The following USH2A variants were observed in gnomAD, a reference collection of about 807,000 sequenced individuals.
USH2A encodes the protein Usher syndrome 2A (autosomal recessive, mild).
USH2A carries 443 observed loss-of-function variants against 538.9 expected under a neutral mutation model. The ratio of observed to expected loss-of-function variants is 0.82; its 90% CI spans 0.76 to 0.89. USH2A has a LOEUF of 0.89. USH2A is among the 40% of genes least tolerant of loss of function. The pLI is 0.00. For synonymous variants in USH2A, 2,413 were observed against 2,273.5 expected (o/e 1.06, Z -1.75); for missense variants, 6,633 against 6,324.8 (o/e 1.05, Z -1.65).
intron 11 of USH2A, among the ~76,000 whole-genome samples, chr1:216,251,301 T>C (rs990538466): frequency 6.6e-6 from 1 of 151,742 alleles, no homozygotes; most frequent in East Asian, 1.9e-4. Flanking sequence ...ATAAAACCCA[T>C]AGAAGTTAGT....
At chr1:215,972,252 G>C (rs1571857709) in intron 35 of USH2A, among the ~76,000 whole-genome samples, 1 of 152,174 alleles carries the variant, frequency 6.6e-6, no homozygotes, top group South Asian at 2.1e-4. Flanking sequence ...GGGCTTTGTT[G>C]ACAGCTGCTG....
At chr1:215,965,164 C>T (rs765773295) in intron 37 of USH2A, among the ~76,000 whole-genome samples, 153 bp downstream of exon 37, 23 of 152,010 alleles carry the variant, frequency 1.5e-4, no homozygotes, top group Non-Finnish European at 5.9e-5. Context: ...TGAGAACCGT[C>T]GGGCAGTAGC....
chr1:216,024,025 G>A (rs1668906540), intron 32 of USH2A, among the ~76,000 whole-genome samples: 1 of 152,026 alleles, frequency 6.6e-6, no homozygotes, highest in African/African-American at 2.4e-5. Context: ...GGTGGTACTA[G>A]CCATATCTGA....
intron 33 of USH2A, among the ~76,000 whole-genome samples, chr1:215,999,550 C>T (rs1425116624): frequency 6.6e-6 from 1 of 152,056 alleles, no homozygotes; most frequent in Non-Finnish European, 1.5e-5. Flanking sequence ...AGATTTTATT[C>T]TTAACAGATG....
chr1:216,100,078 G>A (rs2032542216), intron 21 of USH2A, among the ~76,000 whole-genome samples: 1 of 152,168 alleles, frequency 6.6e-6, no homozygotes, highest in Non-Finnish European at 1.5e-5. Flanking sequence ...ATCTAGATAG[G>A]AGGGAACTTT....
At chr1:216,305,746 CTG>C (rs1465527915) in intron 9 of USH2A, among the ~76,000 whole-genome samples, 2 of 152,072 alleles carry the variant, frequency 1.3e-5, no homozygotes, top group Admixed American at 6.6e-5. Flanking sequence ...CGGAAAAAGA[CTG>C]TATTTTTCCT....
intron 21 of USH2A, among the ~76,000 whole-genome samples, chr1:216,168,606 C>T (rs2034216016): frequency 6.6e-6 from 1 of 152,090 alleles, no homozygotes; most frequent in Non-Finnish European, 1.5e-5. Flanking sequence ...GACCTGTCTG[C>T]CTTTGTATGA....
intron 21 of USH2A, among the ~76,000 whole-genome samples, chr1:216,113,866 T>A (rs973745724): frequency 2.6e-5 from 4 of 151,766 alleles, no homozygotes; most frequent in Non-Finnish European, 4.4e-5. Context: ...TGTATTTTTA[T>A]ATTTAATTTT....
intron 21 of USH2A, among the ~76,000 whole-genome samples, chr1:216,146,607 C>T (rs1236376970): frequency 2.0e-5 from 3 of 152,136 alleles, no homozygotes; most frequent in African/African-American, 4.8e-5. Context: ...AACCCCCAAT[C>T]GCTTATTTCC....
chr1:215,703,761 G>T (rs1328557109), intron 61 of USH2A, among the ~76,000 whole-genome samples: 1 of 152,146 alleles, frequency 6.6e-6, no homozygotes, highest in Non-Finnish European at 1.5e-5. Context: ...CATGGGGGTG[G>T]GATCCACTGA....
intron 41 of USH2A, among the ~76,000 whole-genome samples, chr1:215,884,717 G>C (rs1665003437): frequency 6.6e-6 from 1 of 152,182 alleles, no homozygotes; most frequent in Non-Finnish European, 1.5e-5. Flanking sequence ...AAGTCAATGA[G>C]GATGATGATT....
chr1:215,884,825 T>C (rs1413862515), intron 41 of USH2A, among the ~76,000 whole-genome samples: 1 of 152,154 alleles, frequency 6.6e-6, no homozygotes, highest in Non-Finnish European at 1.5e-5. Flanking sequence ...ATGTTTGTGG[T>C]CTGGGTGACA....
chr1:215,640,844 C>CAAA lies in USH2A; in HGVS notation c.14792-113_14792-111dup, dbSNP rs56212994. On this transcript the variant is annotated intron_variant, in intron 67 of 71. Transcript: ENST00000307340. ...CAAAATCAAACCGAACCAATCCAAACAAAAAAAAAAAAAAAAAAGAAAACC... is the reference window on the plus strand; with the variant it reads ...CAAAATCAAACCGAACCAATCCAAACAAAAAAAAAAAAAAAAAAAAAGAAAACC... 357 of 496,610 alleles carry CAAA rather than the reference C, an allele frequency of 7.2e-4. 2 individuals are homozygous for CAAA. The highest frequency in any genetic ancestry group is 4.4e-3 in the African/African-American group (166 of 38,120). 30.8% of individuals were successfully genotyped at this position (496,610 alleles called of 1,614,324 possible).
chr1:216,167,961 T>A (rs1259090786), intron 21 of USH2A, among the ~76,000 whole-genome samples: 3 of 152,130 alleles, frequency 2.0e-5, no homozygotes, highest in Non-Finnish European at 4.4e-5. Flanking sequence ...GACAATGATG[T>A]TCCCAGATTC....
chr1:216,343,635 A>G (rs1193571275), intron 4 of USH2A, among the ~76,000 whole-genome samples: 7 of 145,730 alleles, frequency 4.8e-5, no homozygotes, highest in African/African-American at 1.7e-4. Flanking sequence ...GTGTCCATTC[A>G]ACCAAAATAT....
At chr1:216,138,918 ATG>A (rs534404810) in intron 21 of USH2A, among the ~76,000 whole-genome samples, 29,924 of 148,540 alleles carry the variant, frequency 0.2, 3,508 homozygotes, top group African/African-American at 0.33. Flanking sequence ...GCATATATTA[ATG>A]TGTGTGTGTG....
At chr1:216,350,214 A>C (rs1411817627) in intron 4 of USH2A, among the ~76,000 whole-genome samples, 1 of 152,102 alleles carries the variant, frequency 6.6e-6, no homozygotes, top group East Asian at 1.9e-4. Context: ...CCCACCAGGT[A>C]TCACCTCCAC....
At chr1:215,882,304 T>C (rs574449023) in intron 41 of USH2A, among the ~76,000 whole-genome samples, 1 of 152,204 alleles carries the variant, frequency 6.6e-6, no homozygotes, top group Non-Finnish European at 1.5e-5. Flanking sequence ...AAGATAAAAA[T>C]GTACCATAAA....
At chr1:216,363,909 C>A (rs901915603) in intron 4 of USH2A, among the ~76,000 whole-genome samples, 3 of 151,342 alleles carry the variant, frequency 2.0e-5, no homozygotes, top group Admixed American at 6.6e-5. Context: ...ATATCTCTAG[C>A]TAAAAATGTA....
Sources: gnomAD v4.1 joint callset for allele counts (sites outside exome capture counted in the v4.1 genomes callset) on GRCh38, gnomAD v4.1.1 for gene constraint, MANE v1.5 for transcripts, NCBI Gene and HGNC (gene_info 2026-07-23, HGNC 2026-07-21) for gene names.